The following NUP98 variants were observed in gnomAD, a reference collection of about 807,000 sequenced individuals.
NUP98 encodes the protein nuclear pore complex protein Nup98-Nup96.
A neutral mutation model predicts 191.9 loss-of-function variants in NUP98; 26 were observed. The ratio of observed to expected loss-of-function variants is 0.14; its 90% confidence interval spans 0.10 to 0.19. The LOEUF is 0.19. NUP98 is among the 10% of genes least tolerant of loss of function. The pLI, the probability that NUP98 is intolerant of heterozygous loss-of-function variation, is 1.00. For missense variants in NUP98, 1,941 were observed against 2,178.8 expected, an observed-to-expected ratio of 0.89 and a Z score of 2.17; for synonymous variants, 808 against 778.4, an observed-to-expected ratio of 1.04 and a Z score of -0.63.
intron 5 of NUP98, among the ~76,000 whole-genome samples, chr11:3,774,990 C>A (rs1186409515): frequency 6.6e-6 from 1 of 152,144 alleles, no homozygotes; most frequent in Admixed American, 6.5e-5. Flanking sequence ...TTCCATTAGG[C>A]TAACTGCACC....
rs113160518 is a variant in NUP98 at position 3,675,574 on chromosome 11, T to C, written c.*585A>G. The stretch of plus-strand genomic sequence containing the variant: ...AAAAACAGCCCTGAAGATCAATCCC[T>C]CCGTGACAGGCATTCACTTCTGCCC... On this transcript the variant is annotated 3_prime_UTR_variant, in exon 33 of 33. Transcript: ENST00000324932. 2.1e-3 allele frequency: 502 copies of C among 236,570 alleles called. 1 individual carries two copies. Among genetic ancestry groups the C allele is most frequent in the Non-Finnish European group, 3.5e-3 (420 of 119,374 alleles). 14.7% of individuals were successfully genotyped at this position (236,570 alleles called of 1,614,324 possible).
intron 1 of NUP98, among the ~76,000 whole-genome samples, chr11:3,789,754 C>A (rs2082272971): frequency 6.6e-6 from 1 of 151,798 alleles, no homozygotes; most frequent in African/African-American, 2.4e-5. Flanking sequence ...TATAGGTGAG[C>A]CCCTGTGCCA....
At chr11:3,796,809 ATG>A (rs2082629805) in intron 1 of NUP98, among the ~76,000 whole-genome samples, 1 of 152,188 alleles carries the variant, frequency 6.6e-6, no homozygotes, top group East Asian at 1.9e-4. Flanking sequence ...TAAAGTCCTT[ATG>A]GCTATAGTAA....
At chr11:3,694,925 A>C (rs919230343) in intron 26 of NUP98, among the ~76,000 whole-genome samples, 3 of 152,214 alleles carry the variant, frequency 2.0e-5, no homozygotes, top group Non-Finnish European at 4.4e-5. Flanking sequence ...AAATAAAAAA[A>C]ATCACAGAAC....
At chr11:3,683,543 GTC>G in intron 29 of NUP98, 102 bp from the exon 30 acceptor site, 1 of 1,162,582 alleles carries the variant, frequency 8.6e-7, no homozygotes, top group Non-Finnish European at 1.1e-6. Context: ...TAAACTGCAG[GTC>G]TTTTTTTTTT....
intron 12 of NUP98, among the ~76,000 whole-genome samples, chr11:3,737,961 C>T (rs1445324479): frequency 6.7e-6 from 1 of 150,120 alleles, no homozygotes; most frequent in Non-Finnish European, 1.5e-5. Context: ...TCAAGAAAAA[C>T]TTTAGAGAAC....
At chr11:3,770,137 G>C (rs1220915162) in intron 7 of NUP98, among the ~76,000 whole-genome samples, 1 of 151,898 alleles carries the variant, frequency 6.6e-6, no homozygotes, top group Non-Finnish European at 1.5e-5. Flanking sequence ...CTGAGGTCAG[G>C]GGTTCGAGAC....
At position 3,731,651 on chromosome 11, in the gene NUP98, A is replaced by T. The variant is rs753312057; in HGVS notation, c.1543-73T>A. The T allele has an allele frequency of 4.3e-5, 44 of 1,019,382 alleles. 1 individual carries two copies. In the South Asian group the frequency reaches 1.2e-3, roughly 28 times the overall value. The allele number at this position is 1,019,382 out of a possible 1,614,324, so 63.1% of individuals were successfully genotyped here. On this transcript the variant is annotated intron_variant, in intron 13 of 32. Transcript: ENST00000324932. The stretch of plus-strand genomic sequence containing the variant: ...CTGCACTGGCCTTAAAAATCACAAG[A>T]CCAGATTTCAATCCTCATCTTTGTC...
At position 3,755,440 on chromosome 11, in the gene NUP98, G is replaced by A. The variant is rs149442028; in HGVS notation, c.1175-2032C>T. On this transcript the variant is annotated intron_variant, in intron 10 of 32. Transcript: ENST00000324932. ...AGATCACACCACTGCACTCCAGCCT[G>A]GGCAACAGAGCAAGACTCCGTCTCC... is the stretch of plus-strand genomic sequence containing the variant. Among the ~76,000 whole-genome samples, 29 of 152,090 alleles carry A rather than the reference G, an allele frequency of 1.9e-4. No homozygotes were observed. In the East Asian group the frequency reaches 5.2e-3, roughly 27 times the overall value.
intron 16 of NUP98, among the ~76,000 whole-genome samples, chr11:3,722,130 G>C (rs918112057): frequency 1.6e-5 from 2 of 123,244 alleles, no homozygotes; most frequent in Non-Finnish European, 3.3e-5. Context: ...TTTTTTTTTA[G>C]GAGACAGGAT....
At chr11:3,740,000 T>C (rs1327319441) in intron 12 of NUP98, among the ~76,000 whole-genome samples, 3 of 152,198 alleles carry the variant, frequency 2.0e-5, no homozygotes, top group Non-Finnish European at 4.4e-5. Context: ...ATATACGTAA[T>C]TTGTACTGTT....
At chr11:3,726,901 A>G (rs532310003) in intron 14 of NUP98, among the ~76,000 whole-genome samples, 1 of 152,002 alleles carries the variant, frequency 6.6e-6, no homozygotes, top group Admixed American at 6.5e-5. Flanking sequence ...AGCTGGGACT[A>G]TCGGCATGTG....
intron 14 of NUP98, among the ~76,000 whole-genome samples, chr11:3,729,715 CAAAAAAAAAAAAAAAAAAAA>C (rs755816362): frequency 2.7e-5 from 1 of 37,416 alleles, no homozygotes; most frequent in African/African-American, 8.9e-5. Flanking sequence ...ACTCTTGCCT[CAAAAAAAAAAAAAAAAAAAA>C]AAAAAAGGAT....
chr11:3,688,814 A>AATATACATATAC (rs1445925279), intron 28 of NUP98, among the ~76,000 whole-genome samples: 1 of 85,408 alleles, frequency 1.2e-5, no homozygotes, highest in African/African-American at 3.5e-5. Context: ...TATGTATTTA[A>AATATACATATAC]ATATACATAT....
intron 1 of NUP98, among the ~76,000 whole-genome samples, chr11:3,791,976 G>A (rs1287520849): frequency 1.3e-5 from 2 of 151,136 alleles, no homozygotes; most frequent in Non-Finnish European, 2.9e-5. Flanking sequence ...TCAGGAGATC[G>A]AGACCTTCCT....
At chr11:3,785,433 A>G (rs1333106849) in intron 1 of NUP98, among the ~76,000 whole-genome samples, 3 of 152,174 alleles carry the variant, frequency 2.0e-5, no homozygotes, top group Non-Finnish European at 4.4e-5. Context: ...ACATAATCAG[A>G]GAAAGAACAT....
intron 4 of NUP98, among the ~76,000 whole-genome samples, 171 bp from the exon 5 acceptor site, chr11:3,776,192 G>C (rs2081722553): frequency 6.8e-6 from 1 of 148,108 alleles, no homozygotes; most frequent in Non-Finnish European, 1.5e-5. Context: ...TGCAATCACA[G>C]CTCACTGCAG....
chr11:3,718,269 C>T (rs982962121), intron 18 of NUP98, among the ~76,000 whole-genome samples: 1 of 152,168 alleles, frequency 6.6e-6, no homozygotes, highest in African/African-American at 2.4e-5. Flanking sequence ...GGCACAGTGG[C>T]TCATGCTTGT....
intron 29 of NUP98, among the ~76,000 whole-genome samples, chr11:3,685,516 A>C (rs1482355906): frequency 6.6e-6 from 1 of 152,222 alleles, no homozygotes; most frequent in Non-Finnish European, 1.5e-5. Context: ...TGGGATTCAG[A>C]AAAGAGCCCA....
Sources: allele counts gnomAD v4.1 joint callset (sites outside exome capture counted in the v4.1 genomes callset), GRCh38; gene constraint gnomAD v4.1.1; transcripts MANE v1.5; gene names NCBI Gene and HGNC (gene_info 2026-07-23, HGNC 2026-07-21).